RBFOX1: variants seen among roughly 807,000 people sequenced by gnomAD.
RBFOX1 encodes RNA binding protein fox-1 homolog 1.
RBFOX1 carries 8 observed loss-of-function variants against 57.7 expected under a neutral mutation model. The ratio of observed to expected loss-of-function variants is 0.14; its 90% CI spans 0.08 to 0.25. RBFOX1 has a LOEUF of 0.25. RBFOX1 is among the 10% of genes least tolerant of loss of function. The pLI is 1.00. For synonymous variants in RBFOX1, 326 were observed against 222.4 expected, an observed-to-expected ratio of 1.47 and a Z score of -4.15; for missense variants, 611 against 548.5, an observed-to-expected ratio of 1.11 and a Z score of -1.14.
In RBFOX1 at chr16:6,888,045, C is replaced by T. The variant is rs557619362; in HGVS notation, c.-15-164012C>T. ...TGATTTGAGGTGTTTGCTTGTGTGTCTGATTTGGGGAAGACGTTCCCAGGT... is the reference window on the plus strand; with the variant it reads ...TGATTTGAGGTGTTTGCTTGTGTGTTTGATTTGGGGAAGACGTTCCCAGGT... On this transcript the variant is annotated intron_variant, in intron 3 of 15. Transcript: ENST00000550418. 2.0e-5 allele frequency among the ~76,000 whole-genome samples: 3 copies of T among 152,082 alleles called. No homozygotes were observed. The South Asian group carries it at 6.2e-4, about 32-fold the overall frequency.
chr16:7,576,217 C>T (rs1238020748), intron 5 of RBFOX1, among the ~76,000 whole-genome samples: 2 of 152,056 alleles, frequency 1.3e-5, no homozygotes, highest in Non-Finnish European at 2.9e-5. Context: ...AGCCACTGCA[C>T]CTAGCCCCAT....
rs529496345 is a variant in RBFOX1, at chr16:6,224,124, G to T, written c.-126-92871G>T. On this transcript the variant is annotated intron_variant, in intron 1 of 15. Coordinates refer to ENST00000550418, the MANE Select transcript of RBFOX1 (RefSeq NM_018723.4). ...CTGTAGCCTTGTAGTATAGTTTGAAGTCAGGTAGCGTGATGCCTCCAGCTT... is the reference window on the plus strand; with the variant it reads ...CTGTAGCCTTGTAGTATAGTTTGAATTCAGGTAGCGTGATGCCTCCAGCTT... Among the ~76,000 whole-genome samples the T allele has an allele frequency of 2.0e-5, 3 of 152,204 alleles. No individual in the cohort carries two copies. The South Asian group carries it at 6.2e-4, about 32-fold the overall frequency.
intron 3 of RBFOX1, among the ~76,000 whole-genome samples, chr16:6,859,972 G>T (rs1034278590): frequency 6.6e-6 from 1 of 152,146 alleles, no homozygotes; most frequent in Non-Finnish European, 1.5e-5. Context: ...AAGAATTTGA[G>T]GAGTGGAATT....
At chr16:6,217,130 C>A (rs909228018) in intron 1 of RBFOX1, among the ~76,000 whole-genome samples, 1 of 149,456 alleles carries the variant, frequency 6.7e-6, no homozygotes, top group African/African-American at 2.5e-5. Flanking sequence ...TCATAGTCAC[C>A]TCTGTGTATG....
chr16:7,010,547 T>TG (rs397959763), intron 3 of RBFOX1, among the ~76,000 whole-genome samples: 31 of 150,584 alleles, frequency 2.1e-4, no homozygotes, highest in African/African-American at 6.9e-4. Context: ...CTTTTTTTTT[T>TG]GTTTGTTTGT....
intron 3 of RBFOX1, among the ~76,000 whole-genome samples, chr16:5,752,098 A>G (rs1451487626): frequency 6.7e-6 from 1 of 150,174 alleles, no homozygotes; most frequent in Non-Finnish European, 1.5e-5. Context: ...CATAAAAAAA[A>G]GAACGAGATC....
intron 4 of RBFOX1, among the ~76,000 whole-genome samples, chr16:7,495,969 G>A (rs1265944455): frequency 6.6e-6 from 1 of 152,020 alleles, no homozygotes; most frequent in Non-Finnish European, 1.5e-5. Flanking sequence ...GAATCCTGTA[G>A]ATTCTTAATA....
At chr16:6,316,342 A>T (rs879373482) in intron 1 of RBFOX1, among the ~76,000 whole-genome samples, 4 of 152,204 alleles carry the variant, frequency 2.6e-5, no homozygotes, top group Non-Finnish European at 5.9e-5. Flanking sequence ...AATGAACATG[A>T]ATCTCACTCC....
intron 2 of RBFOX1, among the ~76,000 whole-genome samples, chr16:6,573,272 G>T (rs960312771): frequency 6.6e-6 from 1 of 152,074 alleles, no homozygotes; most frequent in South Asian, 2.1e-4. Context: ...CCACAAACAC[G>T]CCTCACCGAA....
intron 2 of RBFOX1, among the ~76,000 whole-genome samples, chr16:5,527,149 T>G (rs2044280055): frequency 6.6e-6 from 1 of 152,204 alleles, no homozygotes; most frequent in Admixed American, 6.5e-5. Flanking sequence ...AATGAAGGCT[T>G]GAGGCTTGGC....
intron 4 of RBFOX1, among the ~76,000 whole-genome samples, chr16:7,513,619 C>T (rs904697649): frequency 1.3e-5 from 2 of 152,182 alleles, no homozygotes; most frequent in South Asian, 2.1e-4. Flanking sequence ...CATCCTCCCT[C>T]ATTTGTGACA....
chr16:5,556,252 T>G (rs1275653779), intron 2 of RBFOX1, among the ~76,000 whole-genome samples: 1 of 152,212 alleles, frequency 6.6e-6, no homozygotes, highest in Non-Finnish European at 1.5e-5. Flanking sequence ...TTAAGGCTAA[T>G]TCCAAGCTTG....
At chr16:7,160,731 C>G (rs1461503915) in intron 4 of RBFOX1, among the ~76,000 whole-genome samples, 1 of 151,884 alleles carries the variant, frequency 6.6e-6, no homozygotes, top group Admixed American at 6.6e-5. Flanking sequence ...CAGGCAGTTT[C>G]TTAACATAGG....
chr16:5,950,783 C>T (rs1403225759), intron 4 of RBFOX1, among the ~76,000 whole-genome samples: 1 of 151,714 alleles, frequency 6.6e-6, no homozygotes, highest in Admixed American at 6.6e-5. Flanking sequence ...CTTTTTTTTC[C>T]CTTGAGGGTA....
chr16:5,548,499 A>G (rs906424866), intron 2 of RBFOX1, among the ~76,000 whole-genome samples: 15 of 152,046 alleles, frequency 9.9e-5, no homozygotes, highest in Non-Finnish European at 2.9e-5. Flanking sequence ...AGTATAACGT[A>G]AAAGTGTAAT....
chr16:7,591,045 G>A (rs879597786), intron 7 of RBFOX1, among the ~76,000 whole-genome samples: 4 of 152,096 alleles, frequency 2.6e-5, no homozygotes, highest in Admixed American at 1.3e-4. Flanking sequence ...AGCCTGTGCT[G>A]TTCTGCGGTG....
chr16:7,399,135 G>T (rs967750448), intron 4 of RBFOX1, among the ~76,000 whole-genome samples: 1 of 152,194 alleles, frequency 6.6e-6, no homozygotes, highest in Non-Finnish European at 1.5e-5. Flanking sequence ...CAACATGAAA[G>T]TTGAAATTAT....
chr16:7,575,426 C>G (rs1396751084), intron 5 of RBFOX1, among the ~76,000 whole-genome samples: 1 of 152,138 alleles, frequency 6.6e-6, no homozygotes, highest in East Asian at 1.9e-4. Flanking sequence ...AGCCACCGCA[C>G]CCGACCCTAG....
intron 2 of RBFOX1, among the ~76,000 whole-genome samples, chr16:6,522,978 C>T (rs1400054315): frequency 1.3e-5 from 2 of 152,162 alleles, no homozygotes; most frequent in Admixed American, 1.3e-4. Flanking sequence ...GAACCAGCTC[C>T]TTCTTATCTT....
Sources: gnomAD v4.1 joint callset for allele counts (sites outside exome capture counted in the v4.1 genomes callset) on GRCh38, gnomAD v4.1.1 for gene constraint, MANE v1.5 for transcripts, NCBI Gene and HGNC (gene_info 2026-07-23, HGNC 2026-07-21) for gene names.